C1orf159: variants seen among roughly 807,000 people sequenced by gnomAD.
C1orf159 encodes the protein uncharacterized protein C1orf159.
Under a neutral mutation model 25.6 loss-of-function variants are expected in C1orf159, and 19 were observed. The observed-to-expected ratio is 0.74, with a 90% CI of 0.52 to 1.09. The LOEUF is 1.09. C1orf159 is among the 50% of genes least tolerant of loss of function. The pLI, the probability that C1orf159 is intolerant of heterozygous loss-of-function variation, is 0.00. For missense variants in C1orf159, 274 were observed against 290.6 expected (o/e 0.94, Z 0.42); for synonymous variants, 139 against 124.7 (o/e 1.12, Z -0.77).
intron 1 of C1orf159, among the ~76,000 whole-genome samples, chr1:1,114,266 GC>G (rs1646303576): frequency 6.6e-6 from 1 of 152,192 alleles, no homozygotes; most frequent in Admixed American, 6.5e-5. Context: ...GTAGAGGGGG[GC>G]CCCTCTTCTG....
At chr1:1,083,032 A>G in intron 9 of C1orf159, 45 bp from the exon 10 acceptor site, 1 of 1,490,164 alleles carries the variant, frequency 6.7e-7, no homozygotes, top group Non-Finnish European at 9.1e-7. Flanking sequence ...GGACCTGGAC[A>G]GCAGGGACAG....
intron 1 of C1orf159, among the ~76,000 whole-genome samples, chr1:1,102,810 A>G (rs996232888): frequency 5.3e-5 from 8 of 151,642 alleles, no homozygotes; most frequent in Admixed American, 2.6e-4. Flanking sequence ...ATAAATAAAT[A>G]AAATAAAATT....
intron 3 of C1orf159, 35 bp from the exon 4 acceptor site, chr1:1,090,463 G>T: frequency 3.2e-6 from 5 of 1,546,388 alleles, no homozygotes; most frequent in Non-Finnish European, 4.4e-6. Context: ...TCCAGGACGC[G>T]CCTGCCAGGC....
intron 3 of C1orf159, chr1:1,090,983 C>A (rs375119075): frequency 1.3e-6 from 2 of 1,549,550 alleles, no homozygotes; most frequent in Middle Eastern, 1.7e-4. Flanking sequence ...TTTCTCGTGA[C>A]CTGAATGCAG....
At chr1:1,098,860 ACTC>A (rs1467940248) in intron 1 of C1orf159, among the ~76,000 whole-genome samples, 4 of 151,890 alleles carry the variant, frequency 2.6e-5, no homozygotes, top group Non-Finnish European at 5.9e-5. Flanking sequence ...GATCCACCCG[ACTC>A]GGGCTCCCAA....
At chr1:1,091,881 G>A (rs1645944704) in intron 2 of C1orf159, 110 bp downstream of exon 2, 2 of 466,308 alleles carry the variant, frequency 4.3e-6, no homozygotes, top group Non-Finnish European at 8.3e-6. Flanking sequence ...GCCGTGGCAG[G>A]GGTGCAGGGC....
Position 1,087,085 on chromosome 1 carries a change from G to A in C1orf159, c.310+54C>T, listed in dbSNP as rs1011651512. The A allele has an allele frequency of 4.2e-5, 65 of 1,547,760 alleles. No individual in the cohort carries two copies. The highest frequency in any genetic ancestry group is 5.2e-5 in the Non-Finnish European group (59 of 1,136,324). ...GGTGAGGGTCTGCACTGGCTCCGACGGCCCCCAGCCCCCAGGACACCGGCA... is the reference window on the plus strand; with the variant it reads ...GGTGAGGGTCTGCACTGGCTCCGACAGCCCCCAGCCCCCAGGACACCGGCA... On this transcript the variant is annotated intron_variant, in intron 6 of 9. Transcript: ENST00000421241. The surrounding 1 kb of genome is among the most constrained non-coding windows in gnomAD (Gnocchi z 8.3).
At position 1,082,743 on chromosome 1, in the gene C1orf159, G is replaced by A. The variant is rs142222045; in HGVS notation, c.*150C>T. ...GGCGGCCCGGGACCCTTTGGCGTCC[G>A]TCGCTGGGAGGCGGAGGGACTCAGA... On this transcript the variant is annotated 3_prime_UTR_variant, in exon 10 of 10. Coordinates refer to ENST00000421241, the MANE Select transcript of C1orf159 (RefSeq NM_017891.5). The A allele has an allele frequency of 9.4e-5, 66 of 704,256 alleles. No homozygotes were observed. Among genetic ancestry groups the A allele is most frequent in the South Asian group, 3.1e-4 (18 of 57,816 alleles). The allele number at this position is 704,256 out of a possible 1,614,324, so 43.6% of individuals were successfully genotyped here.
chr1:1,084,575 T>G, intron 7 of C1orf159, 69 bp from the exon 8 acceptor site: 2 of 1,538,286 alleles, frequency 1.3e-6, no homozygotes, highest in South Asian at 1.2e-5. Context: ...CAGTGCAGCG[T>G]CCGGGACAGC....
chr1:1,093,113 A>G (rs1645964566), intron 1 of C1orf159, among the ~76,000 whole-genome samples: 1 of 152,012 alleles, frequency 6.6e-6, no homozygotes, highest in Non-Finnish European at 1.5e-5. Context: ...GAACGTGTTG[A>G]AGTCACAGAC....
Position 1,087,575 on chromosome 1 carries a change from C to A in C1orf159, c.171G>T (p.Ala57=). The A allele has an allele frequency of 6.5e-7, 1 of 1,547,920 alleles. No homozygotes were observed. The highest frequency in any genetic ancestry group is 8.7e-7 in the Non-Finnish European group (1 of 1,146,538). The change falls in exon 5 of 10, where the codon GCG becomes GCT. Residue 57 remains alanine, a synonymous_variant. Coordinates refer to ENST00000421241, the MANE Select transcript of C1orf159 (RefSeq NM_017891.5). This position sits in a 1 kb window ranked among gnomAD's most constrained non-coding sequence, Gnocchi z 8.3. ...CGPGCYRRWN[A]DGSASCVRCG... ...AGCGGACGCAGCTGGCGCTCCCGTC[C>A]GCGTTCCAGCGCCTGTAACAGCCTG...
Position 1,082,517 on chromosome 1 carries a change from C to T in C1orf159, c.*376G>A, listed in dbSNP as rs115869840. 1.9e-4 allele frequency: 56 copies of T among 292,182 alleles called. No individual in the cohort carries two copies. Among genetic ancestry groups the T allele is most frequent in the Non-Finnish European group, 3.1e-4 (47 of 151,302 alleles). The allele number at this position is 292,182 out of a possible 1,614,324, so 18.1% of individuals were successfully genotyped here. On this transcript the variant is annotated 3_prime_UTR_variant, in exon 10 of 10. Coordinates refer to ENST00000421241, the MANE Select transcript of C1orf159 (RefSeq NM_017891.5). Reference sequence around the variant, plus strand: ...TGCCCGCTGTGGGCTCTGGAGGGCACGGCAGCAGAGCCCCTGGCTTTTCTA... The same window carrying T: ...TGCCCGCTGTGGGCTCTGGAGGGCATGGCAGCAGAGCCCCTGGCTTTTCTA...
rs759135966 is a variant in C1orf159 at position 1,091,497 on chromosome 1, ACTCCCACGAGAAGGCCAGCCAGGAGGG to A, written c.20_46del (p.Ala7_Gly15del). The A allele has an allele frequency of 1.9e-6, 3 of 1,549,370 alleles. No homozygotes were observed. The highest frequency in any genetic ancestry group is 2.6e-6 in the Non-Finnish European group (3 of 1,146,694). On this transcript the variant is annotated inframe_deletion, in exon 3 of 10. Coordinates refer to ENST00000421241, the MANE Select transcript of C1orf159 (RefSeq NM_017891.5). ...CGTGTTCTCCATGGACTTGCTGGCG[ACTCCCACGAGAAGGCCAGCCAGGAGGG>A]CGAGGTGCCGCAGCGCCATGCCAGG... is the stretch of plus-strand genomic sequence containing the variant.
Position 1,091,473 on chromosome 1 carries a change from G to C in C1orf159, c.71C>G (p.Thr24Arg), listed in dbSNP as rs767342177. 6.5e-7 allele frequency: 1 copy of C among 1,550,310 alleles called. No individual in the cohort carries two copies. The highest frequency in any genetic ancestry group is 1.2e-5 in the South Asian group (1 of 84,054). ...VGVASKSMEN[T>R]AQLPECCVDV... ...TGGACACGTGAGGGGGGCACCTACC[G>C]TGTTCTCCATGGACTTGCTGGCGAC... The change falls in exon 3 of 10, where the codon ACG becomes AGG. Residue 24 changes from threonine (T) to arginine (R), a missense_variant and splice_region_variant. Thr to Arg is a moderately conservative substitution (Grantham distance 71). Transcript: ENST00000421241.
chr1:1,083,063 G>T (rs960175013), intron 9 of C1orf159, 76 bp from the exon 10 acceptor site: 2 of 1,270,200 alleles, frequency 1.6e-6, no homozygotes, highest in East Asian at 5.3e-5. Context: ...AGCCCTCACC[G>T]GAGGCTCTCG....
At chr1:1,103,823 T>C (rs886973434) in intron 1 of C1orf159, among the ~76,000 whole-genome samples, 4 of 152,124 alleles carry the variant, frequency 2.6e-5, no homozygotes, top group East Asian at 1.9e-4. Flanking sequence ...TCCTGAATAG[T>C]TGGGACCTCA....
chr1:1,091,300 C>T (rs1645929281), intron 3 of C1orf159, 172 bp downstream of exon 3: 4 of 746,918 alleles, frequency 5.4e-6, no homozygotes, highest in South Asian at 5.0e-5. Flanking sequence ...GGAGGGCTCC[C>T]CTCTGCGAGG....
Position 1,094,763 on chromosome 1 carries a change from T to G in C1orf159, c.-135-2660A>C, listed in dbSNP as rs1645987645. On this transcript the variant is annotated intron_variant, in intron 1 of 9. Transcript: ENST00000421241. ...CAAATGTTTTTAATTTTAATGAAATTTTTAATAAAATTGAATGCATCCATT... is the reference window on the plus strand; with the variant it reads ...CAAATGTTTTTAATTTTAATGAAATGTTTAATAAAATTGAATGCATCCATT... 2.6e-5 allele frequency among the ~76,000 whole-genome samples: 4 copies of G among 152,322 alleles called. No individual in the cohort carries two copies. The South Asian group carries it at 8.3e-4, about 32-fold the overall frequency.
chr1:1,089,554 G>A lies in C1orf159; in HGVS notation c.148+799C>T, dbSNP rs1046112591. Among the ~76,000 whole-genome samples the A allele has an allele frequency of 2.6e-5, 4 of 151,926 alleles. No homozygotes were observed. Among genetic ancestry groups the A allele is most frequent in the East Asian group, 1.9e-4 (1 of 5,188 alleles). ...CCCACGCCCAGCCTCGGACCCCCGC[G>A]CCCAGCCTCACTGGCTGCCACAGCC... On this transcript the variant is annotated intron_variant, in intron 4 of 9. Transcript: ENST00000421241. This position sits in a 1 kb window ranked among gnomAD's most constrained non-coding sequence, Gnocchi z 7.5.
Sources: gnomAD v4.1 joint callset for allele counts (sites outside exome capture counted in the v4.1 genomes callset) on GRCh38, gnomAD v4.1.1 for gene constraint, Gnocchi (gnomAD v3.1) non-coding constraint, MANE v1.5 for transcripts, NCBI Gene and HGNC (gene_info 2026-07-23, HGNC 2026-07-21) for gene names.